CABCOCO1: variants seen among roughly 807,000 people sequenced by gnomAD.
CABCOCO1 encodes ciliary associated calcium binding coiled-coil 1, also known as ciliary-associated calcium-binding coiled-coil protein 1.
A neutral mutation model predicts 35.7 loss-of-function variants in CABCOCO1; 28 were observed. That is an observed-to-expected ratio of 0.78 (90% CI 0.58 to 1.07). The LOEUF is 1.07. Among genes scored for constraint, CABCOCO1 ranks in the 50% least tolerant of loss-of-function variants. The probability of loss-of-function intolerance (pLI) is 0.00; values close to 1 mark genes in which losing one functional copy is unlikely to be tolerated. For synonymous variants in CABCOCO1, 95 were observed against 100.1 expected (o/e 0.95, Z 0.30); for missense variants, 326 against 309.2 (o/e 1.05, Z -0.41).
rs117506576 is a variant in CABCOCO1 at position 61,685,888 on chromosome 10, T to C, written c.335-153T>C. ...AGCTTCTATTCTTTTGCATAAAACG[T>C]ATTAATTTATTATGAAGAAACAAGA... On this transcript the variant is annotated intron_variant, in intron 3 of 7. Coordinates refer to ENST00000648843, the MANE Select transcript of CABCOCO1 (RefSeq NM_001366906.2). Among the ~76,000 whole-genome samples the C allele has an allele frequency of 9.0e-3, 1,365 of 152,302 alleles. 8 individuals carry two copies. The highest frequency in any genetic ancestry group is 0.024 in the Middle Eastern group (7 of 294).
At chr10:61,743,945 T>G (rs1268052849) in intron 5 of CABCOCO1, among the ~76,000 whole-genome samples, 1 of 152,198 alleles carries the variant, frequency 6.6e-6, no homozygotes, top group Non-Finnish European at 1.5e-5. Flanking sequence ...TGTTTCATTC[T>G]TCAAATTATG....
chr10:61,757,240 A>C (rs1841916238), intron 5 of CABCOCO1, among the ~76,000 whole-genome samples: 1 of 152,082 alleles, frequency 6.6e-6, no homozygotes, highest in Non-Finnish European at 1.5e-5. Flanking sequence ...TTGCTTTTTA[A>C]AAAGGCTACC....
In CABCOCO1 at chr10:61,766,088, A is replaced by T; in HGVS notation, c.*75A>T. The T allele has an allele frequency of 7.5e-7, 1 of 1,332,448 alleles. No homozygotes were observed. The highest frequency in any genetic ancestry group is 1.1e-6 in the Non-Finnish European group (1 of 947,356). 82.5% of individuals were successfully genotyped at this position (1,332,448 alleles called of 1,614,324 possible). A position where few individuals can be genotyped will look rare whatever the true frequency, so the allele number is the denominator to read the frequency against. On this transcript the variant is annotated 3_prime_UTR_variant, in exon 8 of 8. Transcript: ENST00000648843. ...CCAGCCAGAATAACAGACTCTCTGG[A>T]GCGTCGTGTCTCCATCACTTAGTTG...
At chr10:61,748,519 AG>A (rs1841713384) in intron 5 of CABCOCO1, among the ~76,000 whole-genome samples, 1 of 152,222 alleles carries the variant, frequency 6.6e-6, no homozygotes, top group Admixed American at 6.5e-5. Context: ...GAAAACACGC[AG>A]TGGGTGACCA....
intron 1 of CABCOCO1, among the ~76,000 whole-genome samples, chr10:61,669,573 C>CA (rs1187858019): frequency 6.6e-6 from 1 of 151,750 alleles, no homozygotes; most frequent in Non-Finnish European, 1.5e-5. Flanking sequence ...TATAAACAAA[C>CA]AAAAAAAGCA....
intron 2 of CABCOCO1, among the ~76,000 whole-genome samples, chr10:61,676,351 A>G (rs1022412901): frequency 2.0e-5 from 3 of 152,232 alleles, no homozygotes; most frequent in Non-Finnish European, 4.4e-5. Flanking sequence ...GGCAGTAAGT[A>G]TGGATCATTT....
chr10:61,752,829 C>T (rs1259776506), intron 5 of CABCOCO1, among the ~76,000 whole-genome samples: 1 of 152,192 alleles, frequency 6.6e-6, no homozygotes, highest in African/African-American at 2.4e-5. Flanking sequence ...TTTTAAGAAG[C>T]TTAGCCCCCA....
chr10:61,756,015 T>C (rs16916589), intron 5 of CABCOCO1, among the ~76,000 whole-genome samples: 12,563 of 152,036 alleles, frequency 0.083, 676 homozygotes, highest in East Asian at 0.19. Context: ...TCATCTTGAA[T>C]ATGCAAATTT....
At chr10:61,747,308 A>G (rs1389731707) in intron 5 of CABCOCO1, among the ~76,000 whole-genome samples, 1 of 152,232 alleles carries the variant, frequency 6.6e-6, no homozygotes, top group Admixed American at 6.5e-5. Flanking sequence ...ATTGTTGAGC[A>G]GAATGAGAAT....
At chr10:61,676,922 A>G (rs1413744816) in intron 2 of CABCOCO1, among the ~76,000 whole-genome samples, 1 of 151,654 alleles carries the variant, frequency 6.6e-6, no homozygotes, top group Admixed American at 6.6e-5. Context: ...AATTTAGCCG[A>G]GCGTGGTGGC....
chr10:61,737,245 A>G (rs2083993), intron 5 of CABCOCO1, among the ~76,000 whole-genome samples: 2 of 152,126 alleles, frequency 1.3e-5, no homozygotes, highest in South Asian at 2.1e-4. Context: ...CAAAACCACA[A>G]TGAGATAGCG....
chr10:61,686,772 T>A (rs1290179343), intron 4 of CABCOCO1, among the ~76,000 whole-genome samples: 1 of 152,178 alleles, frequency 6.6e-6, no homozygotes, highest in Non-Finnish European at 1.5e-5. Context: ...TAATGGTGTG[T>A]GGAAGTAAAG....
intron 5 of CABCOCO1, among the ~76,000 whole-genome samples, chr10:61,736,594 T>C (rs1171505530): frequency 1.3e-5 from 2 of 152,188 alleles, no homozygotes; most frequent in Non-Finnish European, 2.9e-5. Context: ...AGATTTGTTC[T>C]TTTTGCTTAG....
intron 5 of CABCOCO1, among the ~76,000 whole-genome samples, chr10:61,734,292 G>A (rs1436813478): frequency 6.6e-6 from 1 of 151,952 alleles, no homozygotes; most frequent in East Asian, 1.9e-4. Context: ...AAGTTTCAGT[G>A]TATACAAAAT....
chr10:61,669,606 G>A (rs1055322260), intron 1 of CABCOCO1, among the ~76,000 whole-genome samples: 9 of 151,886 alleles, frequency 5.9e-5, no homozygotes, highest in African/African-American at 1.9e-4. Context: ...ATAGGTCCAG[G>A]AATATAATTT....
intron 5 of CABCOCO1, among the ~76,000 whole-genome samples, chr10:61,754,485 C>A (rs1841856601): frequency 6.6e-6 from 1 of 152,066 alleles, no homozygotes; most frequent in Non-Finnish European, 1.5e-5. Flanking sequence ...ACTCAGATTT[C>A]TTTCCAAATT....
At chr10:61,665,142 G>A (rs1329373947) in intron 1 of CABCOCO1, among the ~76,000 whole-genome samples, 2 of 152,142 alleles carry the variant, frequency 1.3e-5, no homozygotes, top group Non-Finnish European at 1.5e-5. Context: ...ACCTAGAATA[G>A]AAGTAATTAT....
At chr10:61,687,307 G>A (rs1275982847) in intron 4 of CABCOCO1, among the ~76,000 whole-genome samples, 1 of 152,190 alleles carries the variant, frequency 6.6e-6, no homozygotes, top group Non-Finnish European at 1.5e-5. Context: ...TCCTTGTGTT[G>A]GGGGAGACGA....
chr10:61,753,416 G>A (rs1386946386), intron 5 of CABCOCO1, among the ~76,000 whole-genome samples: 1 of 152,030 alleles, frequency 6.6e-6, no homozygotes, highest in African/African-American at 2.4e-5. Flanking sequence ...CTCTCACCCT[G>A]AGGAAGTTGC....
Sources: allele counts gnomAD v4.1 joint callset (sites outside exome capture counted in the v4.1 genomes callset), GRCh38; gene constraint gnomAD v4.1.1; transcripts MANE v1.5; gene names NCBI Gene and HGNC (gene_info 2026-07-23, HGNC 2026-07-21).